The following NPFFR1 variants were observed in gnomAD, a reference collection of about 807,000 sequenced individuals.
The protein encoded by NPFFR1 is G-protein coupled receptor 147.
NPFFR1 carries 17 observed loss-of-function variants against 12.7 expected under a neutral mutation model. The observed-to-expected ratio is 1.34, with a 90% CI of 0.92 to 2.01. The LOEUF is 2.01. Ranked by LOEUF, NPFFR1 falls within the 30% of genes most tolerant of loss-of-function variation. NPFFR1 has a pLI of 0.00. For missense variants in NPFFR1, 604 were observed against 606.5 expected (o/e 1.00, Z 0.04); for synonymous variants, 296 against 264.5 (o/e 1.12, Z -1.16).
In NPFFR1 at chr10:70,283,788, T is replaced by C; in HGVS notation, c.-112A>G. 3.3e-6 allele frequency: 4 copies of C among 1,227,706 alleles called. No individual in the cohort carries two copies. The highest frequency in any genetic ancestry group is 4.6e-6 in the Non-Finnish European group (4 of 873,990). The allele number at this position is 1,227,706 out of a possible 1,614,324, so 76.1% of individuals were successfully genotyped here. A position where few individuals can be genotyped will look rare whatever the true frequency, so the allele number is the denominator to read the frequency against. ...GGCACTTGGTTGCGGGCTGCGCCCC[T>C]GCCTCCGCGCTCCGCAGGTCCGGTC... On this transcript the variant is annotated 5_prime_UTR_variant, in exon 1 of 4. Coordinates refer to ENST00000277942, the MANE Select transcript of NPFFR1 (RefSeq NM_022146.5).
chr10:70,271,535 A>T (rs865923786), intron 1 of NPFFR1, among the ~76,000 whole-genome samples: 5 of 152,096 alleles, frequency 3.3e-5, no homozygotes, highest in South Asian at 4.2e-4. Flanking sequence ...AAAAATAATT[A>T]AAAAATAGAA....
Position 70,255,596 on chromosome 10 carries a change from A to C in NPFFR1, c.654T>G (p.Thr218=), listed in dbSNP as rs1348728458. ...CCAGGTAGATGTGCGAGAAGAGCAC[A>C]GTGGTGTAGACCCTGCGCATGCCCT... ...PEKGMRRVYT[T]VLFSHIYLAP... Residue 218 remains threonine, a synonymous_variant, in exon 4 of 4, where the codon ACT becomes ACG. Transcript: ENST00000277942. This position sits in a 1 kb window ranked among gnomAD's most constrained non-coding sequence, Gnocchi z 4.2. 3.2e-6 allele frequency: 5 copies of C among 1,556,786 alleles called. No individual in the cohort carries two copies. Among genetic ancestry groups the C allele is most frequent in the Non-Finnish European group, 4.3e-6 (5 of 1,150,452 alleles).
At chr10:70,281,397 A>T (rs1840860728) in intron 1 of NPFFR1, among the ~76,000 whole-genome samples, 1 of 152,136 alleles carries the variant, frequency 6.6e-6, no homozygotes, top group Admixed American at 6.5e-5. Flanking sequence ...AAACCAGCTC[A>T]TTAAGGCACC....
At chr10:70,283,136 G>T (rs988746893) in intron 1 of NPFFR1, among the ~76,000 whole-genome samples, 26 of 151,326 alleles carry the variant, frequency 1.7e-4, no homozygotes, top group African/African-American at 6.3e-4. Context: ...CTCTTTTTGT[G>T]TGTGTGTGTG....
At chr10:70,259,272 A>G (rs1840609350) in intron 3 of NPFFR1, among the ~76,000 whole-genome samples, 1 of 151,338 alleles carries the variant, frequency 6.6e-6, no homozygotes, top group Non-Finnish European at 1.5e-5. Context: ...TGACAGAGCA[A>G]GACTCTGTCT....
chr10:70,267,379 C>T (rs1289830668), intron 1 of NPFFR1, among the ~76,000 whole-genome samples: 1 of 152,178 alleles, frequency 6.6e-6, no homozygotes, highest in Non-Finnish European at 1.5e-5. Flanking sequence ...CCGAGCCATC[C>T]CATGATGTAA....
At chr10:70,264,666 A>G (rs532282210) in intron 2 of NPFFR1, among the ~76,000 whole-genome samples, 2 of 152,288 alleles carry the variant, frequency 1.3e-5, no homozygotes, top group South Asian at 4.1e-4. Context: ...GAACCTTAGC[A>G]TGTCCTCAAT....
intron 2 of NPFFR1, among the ~76,000 whole-genome samples, chr10:70,263,283 G>A (rs988157807): frequency 3.9e-5 from 6 of 152,198 alleles, no homozygotes; most frequent in African/African-American, 1.4e-4. Context: ...TGTAAAACAT[G>A]CACACATTCA....
chr10:70,255,373 TGAGCAGCAGCAGC>T lies in NPFFR1; in HGVS notation c.864_876del (p.Leu289SerfsTer167), dbSNP rs917542848. 7 of 1,553,544 alleles carry T rather than the reference TGAGCAGCAGCAGC, an allele frequency of 4.5e-6. No individual in the cohort carries two copies. The African/African-American group carries it at 9.5e-5, about 21-fold the overall frequency. ...GGCGCGCTGAGCTGCCCGTAGTCGA[TGAGCAGCAGCAGC>T]GCCCAGAGCGGCAGCCAGGACAGCG... is the stretch of plus-strand genomic sequence containing the variant. On this transcript the variant is annotated frameshift_variant, in exon 4 of 4. Coordinates refer to ENST00000277942, the MANE Select transcript of NPFFR1 (RefSeq NM_022146.5). LOFTEE classifies it low-confidence loss of function (END_TRUNC). This position sits in a 1 kb window ranked among gnomAD's most constrained non-coding sequence, Gnocchi z 4.2.
At chr10:70,273,789 G>T (rs1322615012) in intron 1 of NPFFR1, among the ~76,000 whole-genome samples, 1 of 152,088 alleles carries the variant, frequency 6.6e-6, no homozygotes, top group Non-Finnish European at 1.5e-5. Context: ...GATTCCCAGT[G>T]TTGGTTAGGT....
At chr10:70,256,660 T>C (rs1840576098) in intron 3 of NPFFR1, among the ~76,000 whole-genome samples, 1 of 152,230 alleles carries the variant, frequency 6.6e-6, no homozygotes, top group African/African-American at 2.4e-5. Context: ...CACCCTTTAT[T>C]ATTTTTTAAA....
intron 1 of NPFFR1, among the ~76,000 whole-genome samples, chr10:70,268,736 C>CA (rs1380946862): frequency 6.8e-3 from 1 of 148 alleles, no homozygotes; most frequent in Non-Finnish European, 0.013. Flanking sequence ...AAAGAAGCTA[C>CA]AACTTCTTAA....
In NPFFR1 at chr10:70,254,659, T is replaced by C. The variant is rs564207925; in HGVS notation, c.*298A>G. 2 of 335,032 alleles carry C rather than the reference T, an allele frequency of 6.0e-6. No homozygotes were observed. The highest frequency in any genetic ancestry group is 9.7e-5 in the Admixed American group (2 of 20,646). 20.8% of individuals were successfully genotyped at this position (335,032 alleles called of 1,614,324 possible). On this transcript the variant is annotated 3_prime_UTR_variant, in exon 4 of 4. Transcript: ENST00000277942. ...GTCACATCTCTCCAGGCCTCAGTTTTTGCATCTGTAGAAGGAAGAGAAGAC... is the reference window on the plus strand; with the variant it reads ...GTCACATCTCTCCAGGCCTCAGTTTCTGCATCTGTAGAAGGAAGAGAAGAC...
intron 1 of NPFFR1, among the ~76,000 whole-genome samples, chr10:70,272,696 T>C (rs1484507854): frequency 6.6e-6 from 1 of 152,216 alleles, no homozygotes; most frequent in African/African-American, 2.4e-5. Flanking sequence ...AGCATGGATG[T>C]GCCCTGTAGG....
In NPFFR1 at chr10:70,266,372, G is replaced by A. The variant is rs1589912803; in HGVS notation, c.27C>T (p.Pro9=). 1.2e-6 allele frequency: 2 copies of A among 1,612,914 alleles called. No individual in the cohort carries two copies. Among genetic ancestry groups the A allele is most frequent in the Non-Finnish European group, 1.7e-6 (2 of 1,179,380 alleles). The change falls in exon 2 of 4, where the codon CCC becomes CCT. Residue 9 remains proline, a synonymous_variant. Transcript: ENST00000277942. ...TCTGACTTAGGGGCCAACTGCTGTT[G>A]GGAGGCTGGGAGGGCTCCCCTAGGA... MEGEPSQP[P]NSSWPLSQNG...
intron 1 of NPFFR1, among the ~76,000 whole-genome samples, chr10:70,271,438 G>A (rs1396492572): frequency 6.6e-6 from 1 of 152,108 alleles, no homozygotes; most frequent in African/African-American, 2.4e-5. Context: ...GCTTGAGCCT[G>A]AGAAGTCAAG....
Position 70,266,161 on chromosome 10 carries a change from T to C in NPFFR1, c.238A>G (p.Met80Val), listed in dbSNP as rs1193411409. ...CTGACAGCCAGGTTGAGGATGAACA[T>C]GTTGGTGACAGTATGCATGTGCCGG... Reference protein sequence around the residue: ...KNRHMHTVTNMFILNLAVSDL... With the variant: ...KNRHMHTVTNVFILNLAVSDL... The change falls in exon 2 of 4, where the codon ATG becomes GTG. Residue 80 changes from methionine to valine, a missense_variant. Physicochemically the swap from Met to Val is conservative, Grantham distance 21 (BLOSUM62 1). Transcript: ENST00000277942. The C allele has an allele frequency of 1.2e-6, 2 of 1,613,990 alleles. No homozygotes were observed. Among genetic ancestry groups the C allele is most frequent in the Non-Finnish European group, 1.7e-6 (2 of 1,179,888 alleles).
In NPFFR1 at chr10:70,250,887, A is replaced by C. The variant is rs1197363319; in HGVS notation, c.*4070T>G. The C allele has an allele frequency of 1.3e-5, 2 of 152,216 alleles. No individual in the cohort carries two copies. The highest frequency in any genetic ancestry group is 6.5e-5 in the Admixed American group (1 of 15,280). 9.4% of individuals were successfully genotyped at this position (152,216 alleles called of 1,614,324 possible). A position where few individuals can be genotyped will look rare whatever the true frequency, so the allele number is the denominator to read the frequency against. The stretch of plus-strand genomic sequence containing the variant: ...TCTGCCTCAATAAAGCTGTTCCAAG[A>C]ATGTTAAATATATTGAGAGATATAT... On this transcript the variant is annotated 3_prime_UTR_variant, in exon 4 of 4. Transcript: ENST00000277942.
rs1042181532 is a variant in NPFFR1 at position 70,253,672 on chromosome 10, C to G, written c.*1285G>C. The G allele has an allele frequency of 6.6e-6, 1 of 152,134 alleles. No individual in the cohort carries two copies. 9.4% of individuals were successfully genotyped at this position (152,134 alleles called of 1,614,324 possible). A position where few individuals can be genotyped will look rare whatever the true frequency, so the allele number is the denominator to read the frequency against. On this transcript the variant is annotated 3_prime_UTR_variant, in exon 4 of 4. Transcript: ENST00000277942. Reference sequence around the variant, plus strand: ...AGGGAACAGAGCCTCAGAGCCCCGACCCCTGGAAACGTTTCTTTTTTGTTT... The same window carrying G: ...AGGGAACAGAGCCTCAGAGCCCCGAGCCCTGGAAACGTTTCTTTTTTGTTT...
Sources: allele counts gnomAD v4.1 joint callset (sites outside exome capture counted in the v4.1 genomes callset), GRCh38; gene constraint gnomAD v4.1.1; non-coding constraint Gnocchi (gnomAD v3.1); transcripts MANE v1.5; gene names NCBI Gene and HGNC (gene_info 2026-07-23, HGNC 2026-07-21).